The following VIP variants were observed in gnomAD, a reference collection of about 807,000 sequenced individuals.
VIP encodes the protein vasoactive intestinal peptide.
A neutral mutation model predicts 20.1 loss-of-function variants in VIP; 18 were observed. The observed-to-expected ratio is 0.90, with a 90% CI of 0.62 to 1.33. The LOEUF is 1.33. Among genes scored for constraint, VIP ranks in the 40% most tolerant of loss-of-function variants. VIP has a pLI of 0.00. For synonymous variants in VIP, 70 were observed against 68.1 expected (o/e 1.03, Z -0.14); for missense variants, 209 against 199.4 (o/e 1.05, Z -0.29).
chr6:152,755,474 A>G (rs2129074697), intron 4 of VIP, 101 bp downstream of exon 4: 1 of 717,402 alleles, frequency 1.4e-6, no homozygotes, highest in Non-Finnish European at 2.1e-6. Flanking sequence ...TGAAATTGAA[A>G]ACTCGTTGAT....
In VIP at chr6:152,750,934, G is replaced by C. The variant is rs1403605694; in HGVS notation, c.-36G>C. On this transcript the variant is annotated 5_prime_UTR_variant, in exon 1 of 7. Coordinates refer to ENST00000367244, the MANE Select transcript of VIP (RefSeq NM_003381.4). ...GCTCCAAAACAAACCAGAACAGTCA[G>C]CTCCGGGGGAGCACGACTGGGCGAG... 1 of 152,156 alleles carries C rather than the reference G, an allele frequency of 6.6e-6. No homozygotes were observed. Among genetic ancestry groups the C allele is most frequent in the Non-Finnish European group, 1.5e-5 (1 of 68,034 alleles). The allele number at this position is 152,156 out of a possible 1,614,324, so 9.4% of individuals were successfully genotyped here. A position where few individuals can be genotyped will look rare whatever the true frequency, so the allele number is the denominator to read the frequency against.
At chr6:152,751,986 C>T (rs543565562) in intron 1 of VIP, among the ~76,000 whole-genome samples, 182 bp from the exon 2 acceptor site, 3 of 152,252 alleles carry the variant, frequency 2.0e-5, no homozygotes, top group South Asian at 4.1e-4. Flanking sequence ...TATTCAAGCA[C>T]CTGTCACTGA....
chr6:152,756,015 T>A (rs1368586793), intron 4 of VIP, 119 bp from the exon 5 acceptor site: 4 of 1,093,796 alleles, frequency 3.7e-6, no homozygotes, highest in African/African-American at 3.3e-5. Context: ...AGTCTTTTTA[T>A]GATAGAAAAT....
intron 3 of VIP, 120 bp from the exon 4 acceptor site, chr6:152,755,149 T>C (rs905477959): frequency 4.1e-5 from 23 of 564,272 alleles, no homozygotes; most frequent in Non-Finnish European, 5.4e-5. Flanking sequence ...CTTTTGAACT[T>C]TAGTTTTAAT....
intron 3 of VIP, among the ~76,000 whole-genome samples, chr6:152,754,623 A>G (rs972026374): frequency 1.3e-5 from 2 of 152,138 alleles, no homozygotes; most frequent in South Asian, 2.1e-4. Flanking sequence ...TTTTGTCTCT[A>G]TATAAAGAAA....
chr6:152,754,374 C>A, intron 3 of VIP, 86 bp downstream of exon 3: 1 of 1,316,564 alleles, frequency 7.6e-7, no homozygotes, highest in Non-Finnish European at 1.0e-6. Flanking sequence ...TTTATCTCAC[C>A]ATGAAGCTAT....
intron 2 of VIP, among the ~76,000 whole-genome samples, chr6:152,752,539 G>A (rs894578577): frequency 1.3e-5 from 2 of 152,032 alleles, no homozygotes; most frequent in African/African-American, 4.8e-5. Context: ...CATGGTGAAA[G>A]GAGGCTTTCA....
Position 152,754,299 on chromosome 6 carries a change from T to C in VIP, c.230+11T>C, listed in dbSNP as rs1162290509. 3.1e-6 allele frequency: 5 copies of C among 1,588,754 alleles called. No individual in the cohort carries two copies. The African/African-American group carries it at 5.4e-5, about 17-fold the overall frequency. On this transcript the variant is annotated intron_variant, in intron 3 of 6. Transcript: ENST00000367244. ...TTATGATGTATCCAGGTGAGTTTAT[T>C]TTTATAAAACTATCCAATGAGTTTT... is the stretch of plus-strand genomic sequence containing the variant.
At position 152,752,184 on chromosome 6, in the gene VIP, A is replaced by G. The variant is rs377676412; in HGVS notation, c.7A>G (p.Thr3Ala). Reference protein sequence around the residue: MDTRNKAQLLVLL... With the variant: MDARNKAQLLVLL... The stretch of plus-strand genomic sequence containing the variant: ...TCTCTTTAGAGGCACAGAAATGGAC[A>G]CCAGAAATAAGGCCCAGCTCCTTGT... Residue 3 changes from threonine to alanine, a missense_variant, in exon 2 of 7, where the codon ACC (threonine) becomes GCC (alanine). By Grantham distance (58) the Thr-to-Ala change is moderately conservative. Transcript: ENST00000367244. The G allele has an allele frequency of 1.2e-5, 19 of 1,613,290 alleles. No individual in the cohort carries two copies. In the African/African-American group the frequency reaches 2.5e-4, roughly 22 times the overall value.
rs1247829102 is a variant in VIP, at chr6:152,756,173, C to G, written c.375C>G (p.His125Gln). ...ISEDPVPVKR[H>Q]SDAVFTDNYT... ...AAGACCCTGTACCAGTCAAACGTCA[C>G]TCAGATGCAGTCTTCACTGACAACT... The change falls in exon 5 of 7, where the codon CAC becomes CAG. Residue 125 changes from histidine to glutamine, a missense_variant. Coordinates refer to ENST00000367244, the MANE Select transcript of VIP (RefSeq NM_003381.4). The G allele has an allele frequency of 1.2e-6, 2 of 1,611,362 alleles. No homozygotes were observed. Among genetic ancestry groups the G allele is most frequent in the South Asian group, 1.1e-5 (1 of 90,764 alleles).
At chr6:152,755,417 C>A in intron 4 of VIP, 44 bp downstream of exon 4, 2 of 1,208,394 alleles carry the variant, frequency 1.7e-6, no homozygotes, top group South Asian at 1.6e-5. Context: ...TATCATTATT[C>A]AATCTGAATA....
intron 5 of VIP, 41 bp downstream of exon 5, chr6:152,756,306 T>C: frequency 1.3e-6 from 2 of 1,583,430 alleles, no homozygotes; most frequent in Non-Finnish European, 1.7e-6. Context: ...GAATCATGAC[T>C]GACTTTCAAA....
chr6:152,753,925 C>T (rs2099730027), intron 2 of VIP, among the ~76,000 whole-genome samples: 1 of 151,978 alleles, frequency 6.6e-6, no homozygotes, highest in African/African-American at 2.4e-5. Flanking sequence ...TTAAGTAGCT[C>T]TTGTGTTTTG....
At chr6:152,752,424 G>T (rs1309883595) in intron 2 of VIP, 140 bp downstream of exon 2, 5 of 629,780 alleles carry the variant, frequency 7.9e-6, no homozygotes, top group East Asian at 2.9e-5. Flanking sequence ...TGAGTGAGAG[G>T]TGTTTGTCAA....
chr6:152,752,349 C>T (rs183793714), intron 2 of VIP, 65 bp downstream of exon 2: 11 of 1,384,348 alleles, frequency 7.9e-6, no homozygotes, highest in Middle Eastern at 1.8e-4. Flanking sequence ...ATTTCCTATA[C>T]ATTTTGTTGG....
rs2099730435 is a variant in VIP at position 152,756,403 on chromosome 6, AC to A, written c.467+139del. ...GATTTTCAACCTTGGCTGACATTAG[AC>A]TACCCCGCAGAACTTTAAAAATACA... On this transcript the variant is annotated intron_variant, in intron 5 of 6. Transcript: ENST00000367244. 7.0e-6 allele frequency: 7 copies of A among 1,006,600 alleles called. No individual in the cohort carries two copies. The Admixed American group carries it at 1.8e-4, about 27-fold the overall frequency. 62.4% of individuals were successfully genotyped at this position (1,006,600 alleles called of 1,614,324 possible). A position where few individuals can be genotyped will look rare whatever the true frequency, so the allele number is the denominator to read the frequency against.
chr6:152,757,760 A>C lies in VIP; in HGVS notation c.*43+576A>C, dbSNP rs143199630. 1.8e-3 allele frequency among the ~76,000 whole-genome samples: 276 copies of C among 152,154 alleles called. 1 individual carries two copies. Among genetic ancestry groups the C allele is most frequent in the African/African-American group, 5.9e-3 (247 of 41,552 alleles). On this transcript the variant is annotated intron_variant, in intron 6 of 6. Transcript: ENST00000367244. Reference sequence around the variant, plus strand: ...TTTGTTTTACCTATATGACTCTAATAGCATTCTCTGCCAACATTTTTTTTG... The same window carrying C: ...TTTGTTTTACCTATATGACTCTAATCGCATTCTCTGCCAACATTTTTTTTG...
At chr6:152,757,018 T>C (rs2099730525) in intron 5 of VIP, 78 bp from the exon 6 acceptor site, 2 of 1,417,494 alleles carry the variant, frequency 1.4e-6, no homozygotes, top group South Asian at 2.5e-5. Flanking sequence ...AACAGCACAT[T>C]CATTATGTCA....
At position 152,759,731 on chromosome 6, in the gene VIP, G is replaced by A. The variant is rs1022944706; in HGVS notation, c.*865G>A. ...CAAAATAATTTTAAGAAATCAAAGA[G>A]AGAAAATAAAGACCTTGCTTATGAT... On this transcript the variant is annotated 3_prime_UTR_variant, in exon 7 of 7. Coordinates refer to ENST00000367244, the MANE Select transcript of VIP (RefSeq NM_003381.4). 6.6e-6 allele frequency: 1 copy of A among 152,006 alleles called. No individual in the cohort carries two copies. Among genetic ancestry groups the A allele is most frequent in the East Asian group, 1.9e-4 (1 of 5,154 alleles). The allele number at this position is 152,006 out of a possible 1,614,324, so 9.4% of individuals were successfully genotyped here. A position where few individuals can be genotyped will look rare whatever the true frequency, so the allele number is the denominator to read the frequency against.
Sources: allele counts gnomAD v4.1 joint callset (sites outside exome capture counted in the v4.1 genomes callset), GRCh38; gene constraint gnomAD v4.1.1; transcripts MANE v1.5; gene names NCBI Gene and HGNC (gene_info 2026-07-23, HGNC 2026-07-21).